The following ZNF710 variants were observed in gnomAD, a reference collection of about 807,000 sequenced individuals.
ZNF710 encodes the protein zinc finger protein 710.
A neutral mutation model predicts 50.6 loss-of-function variants in ZNF710; 13 were observed. That is an observed-to-expected ratio of 0.26 (90% CI 0.17 to 0.41). The LOEUF (loss-of-function observed/expected upper bound fraction) is 0.41. Among genes scored for constraint, ZNF710 ranks in the 10% least tolerant of loss-of-function variants. ZNF710 has a pLI of 1.00. For synonymous variants in ZNF710, 383 were observed against 397.0 expected, an observed-to-expected ratio of 0.96 and a Z score of 0.42; for missense variants, 721 against 936.6, an observed-to-expected ratio of 0.77 and a Z score of 3.01.
chr15:90,052,868 G>A (rs1899689565), intron 1 of ZNF710, among the ~76,000 whole-genome samples: 1 of 152,226 alleles, frequency 6.6e-6, no homozygotes, highest in Non-Finnish European at 1.5e-5. Context: ...GGGAGGCGGA[G>A]GTTGCGGTGA....
At chr15:90,050,716 G>A (rs143529837) in intron 1 of ZNF710, among the ~76,000 whole-genome samples, 1,581 of 152,098 alleles carry the variant, frequency 0.01, 16 homozygotes, top group Non-Finnish European at 0.015. Flanking sequence ...TGAGTTTATT[G>A]CCTCCCAAAG....
chr15:90,010,119 A>C (rs1429996971), intron 1 of ZNF710, among the ~76,000 whole-genome samples: 1 of 151,934 alleles, frequency 6.6e-6, no homozygotes, highest in Non-Finnish European at 1.5e-5. Context: ...TTGCTTACCT[A>C]CCATGACTGT....
intron 1 of ZNF710, among the ~76,000 whole-genome samples, chr15:90,020,506 C>T (rs985252554): frequency 1.3e-5 from 2 of 152,020 alleles, no homozygotes; most frequent in African/African-American, 2.4e-5. Flanking sequence ...GGAGACACAG[C>T]ATGCCAGCTG....
At chr15:90,016,205 A>G (rs1341653337) in intron 1 of ZNF710, among the ~76,000 whole-genome samples, 2 of 152,154 alleles carry the variant, frequency 1.3e-5, no homozygotes, top group African/African-American at 4.8e-5. Context: ...GGGTAGGCGG[A>G]GGTGGGGAAG....
Position 90,068,638 on chromosome 15 carries a change from G to C in ZNF710, c.1458+43G>C. On this transcript the variant is annotated intron_variant, in intron 2 of 4. Transcript: ENST00000268154. The surrounding 1 kb of genome is among the most constrained non-coding windows in gnomAD (Gnocchi z 5.0). ...GCCTGGGCATCTGCCTGCCCCTCCT[G>C]CCACTTTTTCATCCAGTACTTTCCA... 6.5e-7 allele frequency: 1 copy of C among 1,541,930 alleles called. No individual in the cohort carries two copies. The highest frequency in any genetic ancestry group is 2.3e-5 in the East Asian group (1 of 44,256).
intron 3 of ZNF710, 40 bp downstream of exon 3, chr15:90,073,302 G>T: frequency 6.3e-7 from 1 of 1,592,336 alleles, no homozygotes; most frequent in South Asian, 1.1e-5. Flanking sequence ...ACCTCCCCGA[G>T]GGTGGTCTGG....
intron 1 of ZNF710, among the ~76,000 whole-genome samples, chr15:90,045,698 A>G (rs1176289556): frequency 6.6e-6 from 1 of 152,188 alleles, no homozygotes; most frequent in Non-Finnish European, 1.5e-5. Context: ...GGGGACAGAT[A>G]TCATAGAGTA....
At chr15:90,044,162 C>T (rs967019600) in intron 1 of ZNF710, among the ~76,000 whole-genome samples, 2 of 152,174 alleles carry the variant, frequency 1.3e-5, no homozygotes, top group Non-Finnish European at 1.5e-5. Flanking sequence ...CTCCACCAGC[C>T]GTAGGGACCT....
chr15:90,044,569 C>T (rs1162610383), intron 1 of ZNF710, among the ~76,000 whole-genome samples: 1 of 152,210 alleles, frequency 6.6e-6, no homozygotes, highest in African/African-American at 2.4e-5. Flanking sequence ...ATGTGTCCCA[C>T]GCATCAGAGG....
At chr15:90,063,650 A>G (rs1900079371) in intron 1 of ZNF710, among the ~76,000 whole-genome samples, 1 of 152,060 alleles carries the variant, frequency 6.6e-6, no homozygotes, top group Non-Finnish European at 1.5e-5. Flanking sequence ...TGGTGTGACT[A>G]TAAGGAGTGG....
chr15:90,054,495 G>A (rs1033955300), intron 1 of ZNF710, among the ~76,000 whole-genome samples: 7 of 152,178 alleles, frequency 4.6e-5, no homozygotes, highest in Admixed American at 3.3e-4. Context: ...CTCGGCCCTG[G>A]GCCCACCCAG....
chr15:90,074,232 C>A lies in ZNF710; in HGVS notation c.1767C>A (p.Asn589Lys). The A allele has an allele frequency of 1.2e-6, 2 of 1,613,486 alleles. No homozygotes were observed. The highest frequency in any genetic ancestry group is 1.7e-6 in the Non-Finnish European group (2 of 1,179,808). Residue 589 changes from asparagine to lysine, a missense_variant, in exon 4 of 5, where the codon AAC becomes AAA. By Grantham distance (94) the Asn-to-Lys change is moderately conservative. This residue lies in a region of ZNF710 where 326 missense variants were observed against 522.0 expected (regional missense o/e 0.62). Coordinates refer to ENST00000268154, the MANE Select transcript of ZNF710 (RefSeq NM_198526.4). ...YCSSKFNLKG[N>K]LSRHMKVKHG... The stretch of plus-strand genomic sequence containing the variant: ...CCAGCAAGTTTAATCTCAAGGGCAA[C>A]CTGAGCCGGCACATGAAGGTCAAGC...
chr15:90,079,552 C>T (rs1454458970), intron 4 of ZNF710, 108 bp from the exon 5 acceptor site: 13 of 1,384,760 alleles, frequency 9.4e-6, no homozygotes, highest in South Asian at 2.6e-5. Context: ...TCCTGGAGGC[C>T]GTGACTGGGA....
At chr15:90,033,450 C>A (rs1438091083) in intron 1 of ZNF710, among the ~76,000 whole-genome samples, 1 of 152,184 alleles carries the variant, frequency 6.6e-6, no homozygotes, top group African/African-American at 2.4e-5. Context: ...TCCCACTTCA[C>A]CCTCGAGATC....
intron 1 of ZNF710, among the ~76,000 whole-genome samples, chr15:90,066,223 T>G (rs2151525446): frequency 6.6e-6 from 1 of 152,280 alleles, no homozygotes; most frequent in South Asian, 2.1e-4. Context: ...CCTAGTTTAT[T>G]TTTTTATATT....
chr15:90,002,892 G>T (rs1898050530), intron 1 of ZNF710, among the ~76,000 whole-genome samples: 1 of 152,070 alleles, frequency 6.6e-6, no homozygotes, highest in African/African-American at 2.4e-5. Flanking sequence ...CTTTTTTCTT[G>T]ATATGGAGTC....
intron 1 of ZNF710, among the ~76,000 whole-genome samples, chr15:90,042,889 C>T (rs796234740): frequency 2.6e-4 from 40 of 152,340 alleles, no homozygotes; most frequent in African/African-American, 9.4e-4. Flanking sequence ...AGGTGCTGGT[C>T]GGCGGTGACC....
intron 1 of ZNF710, chr15:90,045,512 A>T: frequency 3.1e-6 from 2 of 643,728 alleles, no homozygotes; most frequent in Non-Finnish European, 1.9e-6. Context: ...ACTCAGGCCA[A>T]GGCCTGAGCC....
At chr15:90,031,690 C>G (rs895702998) in intron 1 of ZNF710, among the ~76,000 whole-genome samples, 2 of 152,178 alleles carry the variant, frequency 1.3e-5, no homozygotes, top group African/African-American at 4.8e-5. Context: ...GCAGCAGGGG[C>G]ATCTTCAGTG....
Sources: allele counts gnomAD v4.1 joint callset (sites outside exome capture counted in the v4.1 genomes callset), GRCh38; gene constraint gnomAD v4.1.1; regional missense constraint gnomAD v4.1.1; non-coding constraint Gnocchi (gnomAD v3.1); transcripts MANE v1.5; gene names NCBI Gene and HGNC (gene_info 2026-07-23, HGNC 2026-07-21).